GJC1: variants seen among roughly 807,000 people sequenced by gnomAD.
GJC1 encodes the protein gap junction gamma-1 protein.
A neutral mutation model predicts 29.3 loss-of-function variants in GJC1; 5 were observed. That is an observed-to-expected ratio of 0.17 (90% CI 0.09 to 0.36). The LOEUF (loss-of-function observed/expected upper bound fraction) is 0.36, where lower values mean the gene tolerates loss of function less well. GJC1 is among the 10% of genes least tolerant of loss of function. The probability of loss-of-function intolerance (pLI) is 1.00; values close to 1 mark genes in which losing one functional copy is unlikely to be tolerated. For synonymous variants in GJC1, 177 were observed against 183.3 expected (o/e 0.97, Z 0.28); for missense variants, 310 against 496.2 (o/e 0.62, Z 3.56).
intron 1 of GJC1, among the ~76,000 whole-genome samples, chr17:44,814,987 C>T (rs921485836): frequency 6.6e-6 from 1 of 152,074 alleles, no homozygotes; most frequent in Non-Finnish European, 1.5e-5. Flanking sequence ...CTCTGGCTTC[C>T]CTGCTTCTGA....
chr17:44,813,593 A>T (rs2050009687), intron 1 of GJC1, among the ~76,000 whole-genome samples: 1 of 148,998 alleles, frequency 6.7e-6, no homozygotes, highest in Admixed American at 6.8e-5. Context: ...CCCGGGTTCA[A>T]GCAATTCTCC....
intron 1 of GJC1, among the ~76,000 whole-genome samples, chr17:44,822,643 C>CA (rs11423012): frequency 0.19 from 15,137 of 80,214 alleles, 1,729 homozygotes; most frequent in African/African-American, 0.23. Context: ...AACTCCATCT[C>CA]AAAAAAAAAA....
At chr17:44,824,809 A>T (rs1179600769) in intron 1 of GJC1, among the ~76,000 whole-genome samples, 3 of 112,296 alleles carry the variant, frequency 2.7e-5, no homozygotes, top group East Asian at 2.4e-4. Flanking sequence ...AGACTGTCTT[A>T]AAAAAAAAAA....
chr17:44,822,474 T>G (rs1031752329), intron 1 of GJC1, among the ~76,000 whole-genome samples: 1 of 151,288 alleles, frequency 6.6e-6, no homozygotes, highest in Non-Finnish European at 1.5e-5. Flanking sequence ...AAACCCTATC[T>G]CTACTAAAAA....
At position 44,804,591 on chromosome 17, in the gene GJC1, A is replaced by G; in HGVS notation, c.*36T>C. 6.8e-7 allele frequency: 1 copy of G among 1,473,884 alleles called. No homozygotes were observed. 91.3% of individuals were successfully genotyped at this position (1,473,884 alleles called of 1,614,324 possible). ...TATTCAGTGAGCTGCTGCTTACCAT[A>G]AACTATGAAAAGCACAGGTTTTAAG... On this transcript the variant is annotated 3_prime_UTR_variant, in exon 3 of 3. Coordinates refer to ENST00000592524, the MANE Select transcript of GJC1 (RefSeq NM_005497.4).
At chr17:44,827,469 C>A (rs560749929) in intron 1 of GJC1, among the ~76,000 whole-genome samples, 23 of 152,174 alleles carry the variant, frequency 1.5e-4, no homozygotes, top group Non-Finnish European at 2.6e-4. Flanking sequence ...ATCATACCCC[C>A]TAGTCAAACT....
At chr17:44,815,870 T>C (rs1405346448) in intron 1 of GJC1, among the ~76,000 whole-genome samples, 2 of 151,950 alleles carry the variant, frequency 1.3e-5, no homozygotes, top group African/African-American at 4.8e-5. Flanking sequence ...TCCCAGCATT[T>C]TGGGAGGCCG....
chr17:44,829,639 G>A (rs1175161637), intron 1 of GJC1: 3 of 152,064 alleles, frequency 2.0e-5, no homozygotes, highest in African/African-American at 4.8e-5. Context: ...GAAGAGCCCG[G>A]GCGGCGAGGG....
In GJC1 at chr17:44,820,722, T is replaced by C. The variant is rs577789492; in HGVS notation, c.-97+9340A>G. On this transcript the variant is annotated intron_variant, in intron 1 of 2. Coordinates refer to ENST00000592524, the MANE Select transcript of GJC1 (RefSeq NM_005497.4). ...CTGAGCAATCCACTAAGAATCGTGC[T>C]AGTGACTCATACCCCTGAACGCGAC... Among the ~76,000 whole-genome samples the C allele has an allele frequency of 7.2e-5, 11 of 152,290 alleles. No homozygotes were observed. In the South Asian group the frequency reaches 1.9e-3, roughly 26 times the overall value.
chr17:44,808,243 A>G (rs2049933466), intron 1 of GJC1, among the ~76,000 whole-genome samples: 2 of 152,142 alleles, frequency 1.3e-5, no homozygotes, highest in Admixed American at 6.5e-5. Flanking sequence ...AAAAAACTGG[A>G]ACAATTTCCA....
At chr17:44,806,401 GT>G (rs35152035) in intron 2 of GJC1, among the ~76,000 whole-genome samples, 89 of 122,130 alleles carry the variant, frequency 7.3e-4, no homozygotes, top group East Asian at 9.6e-4. Flanking sequence ...TCTTCTGTTT[GT>G]TTTTTTTTTT....
chr17:44,821,484 G>T (rs971303103), intron 1 of GJC1, among the ~76,000 whole-genome samples: 2 of 151,378 alleles, frequency 1.3e-5, no homozygotes, highest in African/African-American at 4.9e-5. Context: ...GATCACCTGA[G>T]GTCAGGAGTT....
intron 1 of GJC1, among the ~76,000 whole-genome samples, chr17:44,808,403 G>C (rs2049935224): frequency 6.7e-6 from 1 of 149,280 alleles, no homozygotes; most frequent in Non-Finnish European, 1.5e-5. Context: ...GTCCAACCTG[G>C]TAGATAGAAC....
rs73984081 is a variant in GJC1 at position 44,815,648 on chromosome 17, A to G, written c.-96-8179T>C. ...GGATACGTTCCCCCTCATATATCCA[A>G]CCCCTTTGTGGGTTATTTCCATCCT... On this transcript the variant is annotated intron_variant, in intron 1 of 2. Transcript: ENST00000592524. 6.6e-3 allele frequency among the ~76,000 whole-genome samples: 1,009 copies of G among 151,976 alleles called. 11 individuals are homozygous for G. The highest frequency in any genetic ancestry group is 0.023 in the African/African-American group (964 of 41,446).
At chr17:44,818,553 C>A (rs2050069678) in intron 1 of GJC1, among the ~76,000 whole-genome samples, 1 of 151,422 alleles carries the variant, frequency 6.6e-6, no homozygotes, top group Admixed American at 6.6e-5. Context: ...CATCTGTAAT[C>A]CTAGCACTTT....
intron 1 of GJC1, among the ~76,000 whole-genome samples, chr17:44,811,678 T>G (rs896444518): frequency 1.1e-4 from 16 of 152,198 alleles, no homozygotes; most frequent in Admixed American, 2.6e-4. Context: ...TGAGCCACTA[T>G]GCCTGGCCTC....
chr17:44,828,047 TAA>T, intron 1 of GJC1, among the ~76,000 whole-genome samples: 1 of 152,326 alleles, frequency 6.6e-6, no homozygotes. Flanking sequence ...TCCTGTATTC[TAA>T]GATCCTCATT....
At position 44,805,711 on chromosome 17, in the gene GJC1, G is replaced by A. The variant is rs1449473658; in HGVS notation, c.107C>T (p.Thr36Ile). ...TVLIVFRIVL[T>I]AVGGESIYYD... ...ATAGATGGATTCTCCTCCTACAGCT[G>A]TAAGGACGATCCGGAAGACAATCAG... The change falls in exon 3 of 3, where the codon ACA (threonine) becomes ATA (isoleucine). Residue 36 changes from threonine (T) to isoleucine (I), a missense_variant. Around this residue, in one of 4 missense-constraint regions of GJC1, gnomAD observed 37 missense variants for 104.2 expected, o/e 0.35. Transcript: ENST00000592524. The surrounding 1 kb of genome is among the most constrained non-coding windows in gnomAD (Gnocchi z 5.1). 6 of 1,613,932 alleles carry A rather than the reference G, an allele frequency of 3.7e-6. No individual in the cohort carries two copies. The East Asian group carries it at 8.9e-5, about 24-fold the overall frequency.
chr17:44,822,557 C>T (rs868830762), intron 1 of GJC1, among the ~76,000 whole-genome samples: 18 of 149,444 alleles, frequency 1.2e-4, no homozygotes, highest in South Asian at 2.1e-4. Flanking sequence ...GCAGGAGAAT[C>T]GCCTGAAACC....
Sources: gnomAD v4.1 joint callset for allele counts (sites outside exome capture counted in the v4.1 genomes callset) on GRCh38, gnomAD v4.1.1 for gene constraint, gnomAD v4.1.1 regional missense constraint, Gnocchi (gnomAD v3.1) non-coding constraint, MANE v1.5 for transcripts, NCBI Gene and HGNC (gene_info 2026-07-23, HGNC 2026-07-21) for gene names.